The following CNTLN variants were observed in gnomAD, a reference collection of about 807,000 sequenced individuals.
CNTLN encodes the protein centlein, also known as centlein, centrosomal protein.
CNTLN carries 212 observed loss-of-function variants against 180.0 expected under a neutral mutation model. The ratio of observed to expected loss-of-function variants is 1.18; its 90% confidence interval spans 1.05 to 1.32. The LOEUF (loss-of-function observed/expected upper bound fraction) is 1.32. Ranked by LOEUF, CNTLN falls within the 40% of genes most tolerant of loss-of-function variation. CNTLN has a pLI of 0.00. For synonymous variants in CNTLN, 722 were observed against 563.1 expected, an observed-to-expected ratio of 1.28 and a Z score of -3.99; for missense variants, 2,095 against 1,610.9, an observed-to-expected ratio of 1.30 and a Z score of -5.14.
chr9:17,388,791 T>G (rs1825877815), intron 14 of CNTLN, among the ~76,000 whole-genome samples: 1 of 150,630 alleles, frequency 6.6e-6, no homozygotes. Context: ...CATGTAAACC[T>G]TAGTCATATT....
chr9:17,520,546 A>G, the CNTLN span, among the ~76,000 whole-genome samples: 1 of 152,256 alleles, frequency 6.6e-6, no homozygotes, highest in Non-Finnish European at 1.5e-5. Flanking sequence ...GGCATTCTGA[A>G]AAACATGGCT....
At position 17,265,977 on chromosome 9, in the gene CNTLN, T is replaced by C. The variant is rs147283238; in HGVS notation, c.850-7756T>C. Among the ~76,000 whole-genome samples, 766 of 152,262 alleles carry C rather than the reference T, an allele frequency of 5.0e-3. 4 individuals carry two copies. Among genetic ancestry groups the C allele is most frequent in the African/African-American group, 0.017 (712 of 41,560 alleles). ...GCGGTCTATCAATTTTGTTGATCTT[T>C]TCAAAAAACCAGCTCCTGGATTCAT... On this transcript the variant is annotated intron_variant, in intron 5 of 25. Transcript: ENST00000380647.
At chr9:17,267,472 T>A (rs1205744728) in intron 5 of CNTLN, among the ~76,000 whole-genome samples, 4 of 152,136 alleles carry the variant, frequency 2.6e-5, no homozygotes, top group African/African-American at 4.8e-5. Flanking sequence ...GCCCTTAACA[T>A]TTTTTCCTTC....
At chr9:17,156,468 A>G (rs1309045907) in intron 2 of CNTLN, among the ~76,000 whole-genome samples, 1 of 152,034 alleles carries the variant, frequency 6.6e-6, no homozygotes, top group Non-Finnish European at 1.5e-5. Flanking sequence ...CCTGCTGAAT[A>G]TATAGGTTCA....
chr9:17,195,881 G>A (rs1822098909), intron 2 of CNTLN, among the ~76,000 whole-genome samples: 1 of 151,876 alleles, frequency 6.6e-6, no homozygotes. Context: ...TACTCTGCAT[G>A]GTAATTTATT....
chr9:17,352,940 A>G (rs370240461), intron 12 of CNTLN, among the ~76,000 whole-genome samples: 1 of 152,116 alleles, frequency 6.6e-6, no homozygotes, highest in Non-Finnish European at 1.5e-5. Flanking sequence ...GTATACCACA[A>G]TTTGTTTCTC....
intron 6 of CNTLN, among the ~76,000 whole-genome samples, chr9:17,292,053 T>G (rs117324304): frequency 0.039 from 5,985 of 152,300 alleles, 171 homozygotes; most frequent in South Asian, 0.15. Flanking sequence ...TTCCTTAGCT[T>G]ATGAAGCTTA....
chr9:17,188,659 T>C (rs1426446041), intron 2 of CNTLN, among the ~76,000 whole-genome samples: 1 of 152,140 alleles, frequency 6.6e-6, no homozygotes, highest in Non-Finnish European at 1.5e-5. Flanking sequence ...TTCTGATATT[T>C]TCTTCTGTAC....
chr9:17,504,611 G>A (rs2593353), downstream of CNTLN, among the ~76,000 whole-genome samples: 61,567 of 151,960 alleles, frequency 0.41, 12,519 homozygotes, highest in South Asian at 0.52. Flanking sequence ...ACCGATGTGA[G>A]CCTGATGAAA....
intron 18 of CNTLN, 106 bp from the exon 19 acceptor site, chr9:17,457,418 C>G (rs934230906): frequency 1.6e-6 from 1 of 608,540 alleles, no homozygotes; most frequent in African/African-American, 1.9e-5. Context: ...AATTTCAGTT[C>G]TCTTTAATAT....
chr9:17,505,142 T>TA (rs55987851), downstream of CNTLN, among the ~76,000 whole-genome samples: 93,624 of 151,568 alleles, frequency 0.62, 29,050 homozygotes, highest in African/African-American at 0.68. Context: ...TCATTTATTT[T>TA]AAAAAAAACT....
intron 10 of CNTLN, among the ~76,000 whole-genome samples, chr9:17,338,498 TAATA>T (rs1832873170): frequency 6.6e-6 from 1 of 151,598 alleles, no homozygotes; most frequent in Non-Finnish European, 1.5e-5. Context: ...ATTAAATTAT[TAATA>T]AATTTCTAAT....
chr9:17,475,265 G>A (rs1832269758), intron 23 of CNTLN, among the ~76,000 whole-genome samples: 1 of 152,012 alleles, frequency 6.6e-6, no homozygotes, highest in Admixed American at 6.5e-5. Context: ...TGACCTTAAC[G>A]ATTGCAGTAT....
chr9:17,484,223 T>C, intron 23 of CNTLN, 72 bp from the exon 24 acceptor site: 1 of 1,218,466 alleles, frequency 8.2e-7, no homozygotes, highest in Non-Finnish European at 1.2e-6. Flanking sequence ...TATCTTCATA[T>C]TTTTATGTTA....
chr9:17,404,487 A>C (rs1412382599), intron 15 of CNTLN, among the ~76,000 whole-genome samples: 1 of 151,624 alleles, frequency 6.6e-6, no homozygotes, highest in Non-Finnish European at 1.5e-5. Flanking sequence ...TACCCTGGCC[A>C]TTTTGGATTC....
chr9:17,243,913 C>T (rs1453740766), intron 5 of CNTLN, among the ~76,000 whole-genome samples: 3 of 152,026 alleles, frequency 2.0e-5, no homozygotes. Flanking sequence ...GGTGTTGAAG[C>T]CTCCAGCTGT....
chr9:17,179,193 G>A (rs929108435), intron 2 of CNTLN, among the ~76,000 whole-genome samples: 4 of 141,250 alleles, frequency 2.8e-5, no homozygotes, highest in Non-Finnish European at 4.5e-5. Flanking sequence ...GCAGTGAGCC[G>A]AGATCCCGCC....
At chr9:17,333,743 A>T (rs908961523) in intron 10 of CNTLN, among the ~76,000 whole-genome samples, 1 of 110,038 alleles carries the variant, frequency 9.1e-6, no homozygotes, top group African/African-American at 2.7e-5. Context: ...TTTCTACCAA[A>T]AATAACATGT....
rs374497900 is a variant in CNTLN, at chr9:17,403,691, A to G, written c.2616-5602A>G. ...ACTGCCTCCTTGGATGCACTTGCTCAATCTTGATCTCAACCTTGGAGGTAG... is the reference window on the plus strand; with the variant it reads ...ACTGCCTCCTTGGATGCACTTGCTCGATCTTGATCTCAACCTTGGAGGTAG... On this transcript the variant is annotated intron_variant, in intron 15 of 25. Transcript: ENST00000380647. Among the ~76,000 whole-genome samples the G allele has an allele frequency of 4.0e-5, 6 of 151,668 alleles. No individual in the cohort carries two copies. In the East Asian group the frequency reaches 9.6e-4, roughly 24 times the overall value.
Sources: allele counts gnomAD v4.1 joint callset (sites outside exome capture counted in the v4.1 genomes callset), GRCh38; gene constraint gnomAD v4.1.1; transcripts MANE v1.5; gene names NCBI Gene and HGNC (gene_info 2026-07-23, HGNC 2026-07-21).